SLC7A9: variants seen among roughly 807,000 people sequenced by gnomAD.
SLC7A9 encodes B(0,+)-type amino acid transporter 1.
Under a neutral mutation model 54.1 loss-of-function variants are expected in SLC7A9, and 38 were observed. The observed-to-expected ratio is 0.70, with a 90% CI of 0.54 to 0.92. The LOEUF is 0.92. SLC7A9 is among the 40% of genes least tolerant of loss of function. The probability of loss-of-function intolerance (pLI) is 0.00; values close to 1 mark genes in which losing one functional copy is unlikely to be tolerated. For synonymous variants in SLC7A9, 264 were observed against 258.9 expected (o/e 1.02, Z -0.19); for missense variants, 537 against 636.1 (o/e 0.84, Z 1.68).
chr19:32,847,614 A>G (rs962858840), intron 9 of SLC7A9, among the ~76,000 whole-genome samples: 1 of 152,248 alleles, frequency 6.6e-6, no homozygotes, highest in Non-Finnish European at 1.5e-5. Context: ...AACACTCTGC[A>G]GGGTATTATC....
At position 32,864,795 on chromosome 19, in the gene SLC7A9, A is replaced by C. The variant is rs372060865; in HGVS notation, c.88-19T>G. The stretch of plus-strand genomic sequence containing the variant: ...GGCCCAGCTGGGTGTGGAGGAAGGA[A>C]GAGGGCGTTAGTGCCACGCCCGGAC... On this transcript the variant is annotated intron_variant, in intron 2 of 12. Transcript: ENST00000023064. 6.2e-7 allele frequency: 1 copy of C among 1,613,850 alleles called. No homozygotes were observed. Among genetic ancestry groups the C allele is most frequent in the African/African-American group, 1.3e-5 (1 of 74,948 alleles).
chr19:32,845,195 A>G (rs555690931), intron 9 of SLC7A9, among the ~76,000 whole-genome samples: 70 of 152,064 alleles, frequency 4.6e-4, no homozygotes, highest in African/African-American at 1.7e-3. Context: ...AGGAGAAGAT[A>G]TAAAAAACAG....
intron 11 of SLC7A9, among the ~76,000 whole-genome samples, chr19:32,840,467 T>C (rs1968096904): frequency 6.6e-6 from 1 of 152,124 alleles, no homozygotes; most frequent in African/African-American, 2.4e-5. Context: ...TCAGCCTCTG[T>C]GTTCCTTCTT....
At chr19:32,859,772 G>T in intron 8 of SLC7A9, 69 bp downstream of exon 8, 2 of 1,320,362 alleles carry the variant, frequency 1.5e-6, no homozygotes, top group Non-Finnish European at 2.2e-6. Context: ...CTCACCTCCA[G>T]TGCTGACACC....
chr19:32,852,548 TAATTACAGTGC>T, intron 9 of SLC7A9, among the ~76,000 whole-genome samples: 1 of 152,206 alleles, frequency 6.6e-6, no homozygotes, highest in Middle Eastern at 3.4e-3. Context: ...TCACATACTC[TAATTACAGTGC>T]AGTAAAATTA....
At chr19:32,842,356 A>G (rs1968152180) in intron 10 of SLC7A9, 39 bp from the exon 11 acceptor site, 1 of 1,587,368 alleles carries the variant, frequency 6.3e-7, no homozygotes, top group East Asian at 2.2e-5. Context: ...TCATTACTAC[A>G]AAACACTGTT....
chr19:32,853,272 G>T (rs1033213266), intron 9 of SLC7A9, among the ~76,000 whole-genome samples: 6 of 152,192 alleles, frequency 3.9e-5, no homozygotes, highest in African/African-American at 1.4e-4. Context: ...AAGTAGATTA[G>T]TGGTTGCCTG....
At chr19:32,854,073 T>A (rs1968548565) in intron 9 of SLC7A9, among the ~76,000 whole-genome samples, 1 of 151,080 alleles carries the variant, frequency 6.6e-6, no homozygotes. Flanking sequence ...AGTGCAGTGG[T>A]GCAATCTCAG....
intron 9 of SLC7A9, among the ~76,000 whole-genome samples, chr19:32,853,119 C>A (rs889677753): frequency 6.6e-6 from 1 of 152,104 alleles, no homozygotes; most frequent in Non-Finnish European, 1.5e-5. Flanking sequence ...CCATGTTGGC[C>A]AGGCTGGTCT....
At chr19:32,839,295 C>T (rs760805601) in intron 11 of SLC7A9, among the ~76,000 whole-genome samples, 7 of 152,110 alleles carry the variant, frequency 4.6e-5, no homozygotes, top group Non-Finnish European at 1.0e-4. Context: ...TGGCTCACAC[C>T]TGTAATCCCA....
chr19:32,849,994 A>G (rs1281316259), intron 9 of SLC7A9, among the ~76,000 whole-genome samples: 8 of 151,740 alleles, frequency 5.3e-5, no homozygotes, highest in Non-Finnish European at 1.2e-4. Flanking sequence ...CTTCATGCTA[A>G]AAACTCTCAA....
chr19:32,860,680 C>T (rs1443305915), intron 6 of SLC7A9, 30 bp from the exon 7 acceptor site: 6 of 1,613,786 alleles, frequency 3.7e-6, no homozygotes, highest in Non-Finnish European at 5.1e-6. Flanking sequence ...AAGCGTCACA[C>T]ACCTTGACTT....
intron 12 of SLC7A9, among the ~76,000 whole-genome samples, chr19:32,832,600 AAAAAG>A (rs1177371602): frequency 4.7e-5 from 7 of 148,086 alleles, no homozygotes; most frequent in South Asian, 2.1e-4. Flanking sequence ...AAAAAAAAAA[AAAAAG>A]AAAGAAAGAA....
At chr19:32,866,798 C>T (rs559679791) in intron 2 of SLC7A9, among the ~76,000 whole-genome samples, 3 of 152,244 alleles carry the variant, frequency 2.0e-5, no homozygotes, top group African/African-American at 4.8e-5. Context: ...GCCTTGGTGC[C>T]GTCCCTCCTC....
intron 8 of SLC7A9, 125 bp downstream of exon 8, chr19:32,859,716 T>C (rs555475226): frequency 7.9e-6 from 7 of 889,636 alleles, no homozygotes; most frequent in Non-Finnish European, 1.3e-5. Flanking sequence ...GCGTGCCCAG[T>C]CCATGTCCCC....
At chr19:32,836,903 CCT>C (rs1967974084) in intron 11 of SLC7A9, among the ~76,000 whole-genome samples, 1 of 152,028 alleles carries the variant, frequency 6.6e-6, no homozygotes, top group Non-Finnish European at 1.5e-5. Context: ...GATCACAGCC[CCT>C]GTTTTTCTGT....
intron 11 of SLC7A9, among the ~76,000 whole-genome samples, chr19:32,834,935 C>T (rs111891204): frequency 0.022 from 3,370 of 152,140 alleles, 116 homozygotes; most frequent in African/African-American, 0.075. Flanking sequence ...GGATTACAGG[C>T]GTGTGCCAAC....
At chr19:32,846,211 G>A (rs1252223252) in intron 9 of SLC7A9, among the ~76,000 whole-genome samples, 1 of 152,216 alleles carries the variant, frequency 6.6e-6, no homozygotes, top group African/African-American at 2.4e-5. Context: ...AGCCGAAGCA[G>A]GGCAAGGCAT....
At chr19:32,864,507 C>T (rs1968904456) in intron 3 of SLC7A9, 122 bp downstream of exon 3, 1 of 1,522,968 alleles carries the variant, frequency 6.6e-7, no homozygotes, top group Non-Finnish European at 9.0e-7. Flanking sequence ...GCCTGATTTA[C>T]ACCTGTTTGC....
Sources: gnomAD v4.1 joint callset for allele counts (sites outside exome capture counted in the v4.1 genomes callset) on GRCh38, gnomAD v4.1.1 for gene constraint, MANE v1.5 for transcripts, NCBI Gene and HGNC (gene_info 2026-07-23, HGNC 2026-07-21) for gene names.